SYNRG: variants seen among roughly 807,000 people sequenced by gnomAD.
SYNRG encodes AP1 gamma subunit binding protein 1.
Under a neutral mutation model 130.9 loss-of-function variants are expected in SYNRG, and 37 were observed. The ratio of observed to expected loss-of-function variants is 0.28; its 90% CI spans 0.22 to 0.37. The LOEUF (loss-of-function observed/expected upper bound fraction) is 0.37. Among genes scored for constraint, SYNRG ranks in the 10% least tolerant of loss-of-function variants. The pLI, the probability that SYNRG is intolerant of heterozygous loss-of-function variation, is 1.00. For synonymous variants in SYNRG, 539 were observed against 568.1 expected, an observed-to-expected ratio of 0.95 and a Z score of 0.73; for missense variants, 1,338 against 1,588.9, an observed-to-expected ratio of 0.84 and a Z score of 2.68.
chr17:37,542,757 G>C (rs139351955), intron 14 of SYNRG, among the ~76,000 whole-genome samples, 192 bp from the exon 15 acceptor site: 145 of 152,240 alleles, frequency 9.5e-4, no homozygotes, highest in African/African-American at 2.9e-3. Flanking sequence ...CATTAGCCTT[G>C]AGTTGGCATT....
intron 3 of SYNRG, among the ~76,000 whole-genome samples, chr17:37,590,768 A>C (rs2062105549): frequency 1.3e-5 from 2 of 152,160 alleles, no homozygotes; most frequent in South Asian, 4.2e-4. Flanking sequence ...TAAAATACAA[A>C]AATTAGCTGG....
Position 37,540,487 on chromosome 17 carries a change from AAGG to A in SYNRG, c.3256_3258del (p.Pro1086del), listed in dbSNP as rs778085587. 1.1e-5 allele frequency: 17 copies of A among 1,613,874 alleles called. No individual in the cohort carries two copies. The Admixed American group carries it at 2.2e-4, about 21-fold the overall frequency. On this transcript the variant is annotated inframe_deletion, in exon 16 of 22. Transcript: ENST00000612223. ...CTGAAAGGCTGCTCCAAAGCTGGAGAAGGAGAAGAACGGCTTATTTCTTTATCA... is the reference window on the plus strand; with the variant it reads ...CTGAAAGGCTGCTCCAAAGCTGGAGAAGAAGAACGGCTTATTTCTTTATCA...
intron 6 of SYNRG, chr17:37,579,133 T>A (rs1166863575): frequency 8.6e-7 from 1 of 1,163,604 alleles, no homozygotes; most frequent in East Asian, 6.8e-5. Context: ...AAGAGTTACC[T>A]GCTTCTGGTA....
chr17:37,591,729 T>C (rs2062210836), intron 3 of SYNRG, among the ~76,000 whole-genome samples: 1 of 152,172 alleles, frequency 6.6e-6, no homozygotes, highest in African/African-American at 2.4e-5. Context: ...CAAATGTTGC[T>C]GGGGCAATCA....
At chr17:37,594,310 TTTAA>T (rs1157365847) in intron 3 of SYNRG, among the ~76,000 whole-genome samples, 2 of 147,822 alleles carry the variant, frequency 1.4e-5, no homozygotes, top group Non-Finnish European at 3.0e-5. Context: ...TATTAATTAT[TTTAA>T]TTAATATTTA....
At chr17:37,534,523 G>A (rs908537731) in intron 19 of SYNRG, among the ~76,000 whole-genome samples, 1 of 151,906 alleles carries the variant, frequency 6.6e-6, no homozygotes, top group Non-Finnish European at 1.5e-5. Context: ...ACTGCACCTG[G>A]CTGCTTGAAT....
Position 37,572,939 on chromosome 17 carries a change from T to A in SYNRG, c.902-952A>T, listed in dbSNP as rs143599293. ...ACTAAAAAATTATTTGCTGTTTACC[T>A]GAAATTCAAATTTAACTGGGCATCC... is the stretch of plus-strand genomic sequence containing the variant. On this transcript the variant is annotated intron_variant, in intron 8 of 21. Transcript: ENST00000612223. Among the ~76,000 whole-genome samples, 418 of 152,326 alleles carry A rather than the reference T, an allele frequency of 2.7e-3. 2 individuals are homozygous for A. Among genetic ancestry groups the A allele is most frequent in the African/African-American group, 9.7e-3 (403 of 41,568 alleles).
chr17:37,529,142 T>C (rs1334797281), intron 19 of SYNRG, among the ~76,000 whole-genome samples: 1 of 152,032 alleles, frequency 6.6e-6, no homozygotes, highest in Non-Finnish European at 1.5e-5. Flanking sequence ...GGAATGGGAG[T>C]CTGAGGGAAG....
chr17:37,563,633 T>C (rs1184235121), intron 11 of SYNRG, among the ~76,000 whole-genome samples: 3 of 152,114 alleles, frequency 2.0e-5, no homozygotes, highest in Admixed American at 2.0e-4. Flanking sequence ...GTTCAAGTGA[T>C]TCTCCTGCCT....
chr17:37,589,058 CAAAA>C (rs1185711261), intron 3 of SYNRG, among the ~76,000 whole-genome samples: 1 of 152,142 alleles, frequency 6.6e-6, no homozygotes, highest in African/African-American at 2.4e-5. Context: ...GATGACATAA[CAAAA>C]GAAAGAACTC....
At chr17:37,535,411 T>C (rs1294522208) in intron 19 of SYNRG, among the ~76,000 whole-genome samples, 1 of 152,186 alleles carries the variant, frequency 6.6e-6, no homozygotes, top group East Asian at 1.9e-4. Flanking sequence ...TGGAAAGCCT[T>C]CTAATAAATG....
intron 18 of SYNRG, 100 bp from the exon 19 acceptor site, chr17:37,536,227 G>C (rs1471275795): frequency 5.9e-6 from 8 of 1,344,634 alleles, no homozygotes; most frequent in Non-Finnish European, 8.0e-6. Flanking sequence ...GAGAAACAAT[G>C]GGTGTATCTG....
chr17:37,571,319 T>C (rs1437556642), intron 9 of SYNRG, among the ~76,000 whole-genome samples: 1 of 152,164 alleles, frequency 6.6e-6, no homozygotes, highest in Non-Finnish European at 1.5e-5. Context: ...TGGTGGCTCA[T>C]GCCTGTAATC....
chr17:37,606,004 C>G, intron 1 of SYNRG: 1 of 985,364 alleles, frequency 1.0e-6, no homozygotes, highest in Middle Eastern at 5.2e-4. Flanking sequence ...AATGATGGAC[C>G]ATTACGCAAT....
At chr17:37,547,743 G>A (rs1452711422) in intron 14 of SYNRG, among the ~76,000 whole-genome samples, 2 of 152,140 alleles carry the variant, frequency 1.3e-5, no homozygotes, top group Admixed American at 6.5e-5. Context: ...GATTACAGGC[G>A]TGAGCCACTG....
intron 21 of SYNRG, among the ~76,000 whole-genome samples, chr17:37,519,339 T>C (rs1311888199): frequency 6.6e-6 from 1 of 151,444 alleles, no homozygotes; most frequent in Non-Finnish European, 1.5e-5. Flanking sequence ...GGTTATGGGG[T>C]GGAGGGGGGG....
intron 1 of SYNRG, among the ~76,000 whole-genome samples, chr17:37,607,278 C>T (rs1478716185): frequency 6.6e-6 from 1 of 152,146 alleles, no homozygotes; most frequent in Non-Finnish European, 1.5e-5. Context: ...ACCAATGATA[C>T]TCAAATACTG....
chr17:37,593,613 G>A (rs1207956889), intron 3 of SYNRG, among the ~76,000 whole-genome samples: 1 of 151,976 alleles, frequency 6.6e-6, no homozygotes, highest in Admixed American at 6.6e-5. Context: ...GGACAGGTGT[G>A]GTGGCTCATG....
rs1454161906 is a variant in SYNRG, at chr17:37,516,441, C to G, written c.*2499G>C. 2 of 152,134 alleles carry G rather than the reference C, an allele frequency of 1.3e-5. No homozygotes were observed. Among genetic ancestry groups the G allele is most frequent in the Non-Finnish European group, 2.9e-5 (2 of 68,024 alleles). The allele number at this position is 152,134 out of a possible 1,614,324, so 9.4% of individuals were successfully genotyped here. A position where few individuals can be genotyped will look rare whatever the true frequency, so the allele number is the denominator to read the frequency against. ...TGACATCTGCTGAATTTTCCTGTGG[C>G]ACCTCCCAAGGAGTGACTAAGCCTA... On this transcript the variant is annotated 3_prime_UTR_variant, in exon 22 of 22. Transcript: ENST00000612223.
Sources: gnomAD v4.1 joint callset for allele counts (sites outside exome capture counted in the v4.1 genomes callset) on GRCh38, gnomAD v4.1.1 for gene constraint, MANE v1.5 for transcripts, NCBI Gene and HGNC (gene_info 2026-07-23, HGNC 2026-07-21) for gene names.